The following DTL variants were observed in gnomAD, a reference collection of about 807,000 sequenced individuals.
DTL encodes the protein denticleless E3 ubiquitin protein ligase adapter, also known as denticleless protein homolog.
A neutral mutation model predicts 87.0 loss-of-function variants in DTL; 46 were observed. The observed-to-expected ratio is 0.53, with a 90% CI of 0.42 to 0.68. The LOEUF is 0.68. Ranked by LOEUF, DTL falls within the 30% of genes least tolerant of loss-of-function variation. The pLI, the probability that DTL is intolerant of heterozygous loss-of-function variation, is 0.00. For synonymous variants in DTL, 308 were observed against 311.2 expected (o/e 0.99, Z 0.11); for missense variants, 737 against 869.4 (o/e 0.85, Z 1.91).
At chr1:212,091,733 G>C (rs776197920) in intron 13 of DTL, among the ~76,000 whole-genome samples, 1 of 152,288 alleles carries the variant, frequency 6.6e-6, no homozygotes, top group South Asian at 2.1e-4. Flanking sequence ...ATCTTAAAAA[G>C]TTGAACTCAT....
In DTL at chr1:212,056,939, T is replaced by C. The variant is rs568340335; in HGVS notation, c.461-5945T>C. On this transcript the variant is annotated intron_variant, in intron 5 of 14. Coordinates refer to ENST00000366991, the MANE Select transcript of DTL (RefSeq NM_016448.4). ...TTGAAGATCTTTTAAAATAACCTAC[T>C]CAGACAAAAATAGAGAAAAAATAAT... is the stretch of plus-strand genomic sequence containing the variant. 3.6e-3 allele frequency among the ~76,000 whole-genome samples: 544 copies of C among 151,994 alleles called. 3 individuals carry two copies. The highest frequency in any genetic ancestry group is 0.014 in the Middle Eastern group (4 of 294).
At chr1:212,093,030 G>A (rs997907907) in intron 13 of DTL, among the ~76,000 whole-genome samples, 4 of 152,098 alleles carry the variant, frequency 2.6e-5, no homozygotes. Context: ...TGATGGCCCT[G>A]TGTATATCTT....
chr1:212,065,027 G>A lies in DTL; in HGVS notation c.637G>A (p.Val213Met). 1.2e-6 allele frequency: 2 copies of A among 1,609,986 alleles called. No individual in the cohort carries two copies. Among genetic ancestry groups the A allele is most frequent in the Non-Finnish European group, 1.7e-6 (2 of 1,176,322 alleles). The change falls in exon 7 of 15, where the codon GTG (valine) becomes ATG (methionine). Residue 213 changes from valine to methionine, a missense_variant and splice_region_variant. Physicochemically the swap from Val to Met is conservative, Grantham distance 21. Coordinates refer to ENST00000366991, the MANE Select transcript of DTL (RefSeq NM_016448.4). ...GAATTCAAAAGGACTTGCTCCTTCT[G>A]TGGTAAGGTTTTACAGATGTATACA... is the stretch of plus-strand genomic sequence containing the variant. ...KQNSKGLAPS[V>M]DFQQSVTVVL...
chr1:212,065,117 T>C, intron 7 of DTL, 88 bp downstream of exon 7: 1 of 924,062 alleles, frequency 1.1e-6, no homozygotes, highest in South Asian at 1.5e-5. Flanking sequence ...AATGAGAATC[T>C]TCATGATTCT....
At chr1:212,093,159 A>G (rs1655336663) in intron 13 of DTL, among the ~76,000 whole-genome samples, 1 of 151,842 alleles carries the variant, frequency 6.6e-6, no homozygotes, top group Non-Finnish European at 1.5e-5. Flanking sequence ...AGGGCGTGCG[A>G]TGAGGGTGTG....
intron 5 of DTL, among the ~76,000 whole-genome samples, chr1:212,059,854 C>CA (rs1000077903): frequency 3.2e-5 from 4 of 124,918 alleles, no homozygotes; most frequent in South Asian, 2.6e-4. Context: ...AATCAACATA[C>CA]AAAAAAAATA....
chr1:212,038,436 TTTAGAGAGTGGCCTCA>T (rs1667549354), intron 1 of DTL, among the ~76,000 whole-genome samples: 2 of 152,306 alleles, frequency 1.3e-5, no homozygotes, highest in South Asian at 4.1e-4. Flanking sequence ...TATTACCAAT[TTTAGAGAGTGGCCTCA>T]TTATTTAAAC....
intron 5 of DTL, among the ~76,000 whole-genome samples, chr1:212,048,408 A>C (rs1667867648): frequency 6.6e-6 from 1 of 151,928 alleles, no homozygotes; most frequent in Non-Finnish European, 1.5e-5. Context: ...GGCGAGGCTG[A>C]TCTTGAACTC....
chr1:212,087,373 C>A (rs1655160119), intron 13 of DTL, among the ~76,000 whole-genome samples: 1 of 151,996 alleles, frequency 6.6e-6, no homozygotes, highest in Non-Finnish European at 1.5e-5. Flanking sequence ...ATGGTGAAAC[C>A]CCGTCTCTAC....
At chr1:212,059,394 G>A (rs113920135) in intron 5 of DTL, among the ~76,000 whole-genome samples, 3,991 of 151,330 alleles carry the variant, frequency 0.026, 59 homozygotes, top group African/African-American at 0.047. Flanking sequence ...TGATACATAC[G>A]TCATCAACAG....
rs748060446 is a variant in DTL at position 212,100,434 on chromosome 1, A to C, written c.1444A>C (p.Arg482=). 5.1e-5 allele frequency: 83 copies of C among 1,613,868 alleles called. No individual in the cohort carries two copies. The highest frequency in any genetic ancestry group is 6.9e-5 in the Non-Finnish European group (81 of 1,179,986). The change falls in exon 14 of 15, where the codon AGA becomes CGA. Residue 482 remains arginine, a synonymous_variant. Transcript: ENST00000366991. ...SPAKARSPIN[R]RGSVSSVSPK... is the part of the protein sequence containing the mutation. ...TGCCAAGGCCCGGTCTCCCATCAAC[A>C]GAAGAGGCTCTGTCTCCTCCGTCTC...
At chr1:212,059,588 G>A (rs528026691) in intron 5 of DTL, among the ~76,000 whole-genome samples, 4 of 152,152 alleles carry the variant, frequency 2.6e-5, no homozygotes, top group Non-Finnish European at 5.9e-5. Context: ...AAAGCTGGAA[G>A]CCTTTCCCTT....
intron 13 of DTL, among the ~76,000 whole-genome samples, chr1:212,088,375 AC>A (rs1045614137): frequency 6.6e-6 from 1 of 152,192 alleles, no homozygotes; most frequent in African/African-American, 2.4e-5. Context: ...ATTCCTTACT[AC>A]GCACTATAGG....
chr1:212,100,699 G>C lies in DTL; in HGVS notation c.1709G>C (p.Ser570Thr). ...AGTGTGAAACAAAAGTGTGTGAAGA[G>C]TTGTAACTGTGTGACTGAGCTTGAT... ...LESVKQKCVK[S>T]CNCVTELDGQ... The change falls in exon 14 of 15, where the codon AGT (serine) becomes ACT (threonine). Residue 570 changes from serine to threonine, a missense_variant. Physicochemically the swap from Ser to Thr is moderately conservative, Grantham distance 58. Coordinates refer to ENST00000366991, the MANE Select transcript of DTL (RefSeq NM_016448.4). The C allele has an allele frequency of 6.2e-7, 1 of 1,614,164 alleles. No individual in the cohort carries two copies.
At chr1:212,074,978 C>A (rs1654787891) in intron 11 of DTL, among the ~76,000 whole-genome samples, 1 of 151,974 alleles carries the variant, frequency 6.6e-6, no homozygotes, top group Non-Finnish European at 1.5e-5. Flanking sequence ...ATTGTCTCAC[C>A]CCCACCCCAT....
Position 212,100,415 on chromosome 1 carries a change from G to A in DTL, c.1425G>A (p.Lys475=), listed in dbSNP as rs750609917. 2 of 1,613,712 alleles carry A rather than the reference G, an allele frequency of 1.2e-6. No individual in the cohort carries two copies. The highest frequency in any genetic ancestry group is 3.3e-5 in the Admixed American group (2 of 59,968). The change falls in exon 14 of 15, where the codon AAG becomes AAA. Residue 475 remains lysine (K), a synonymous_variant. Coordinates refer to ENST00000366991, the MANE Select transcript of DTL (RefSeq NM_016448.4). The stretch of plus-strand genomic sequence containing the variant: ...TCTCTATTAAAACCTCTCCTGCCAA[G>A]GCCCGGTCTCCCATCAACAGAAGAG... ...PTFSIKTSPA[K]ARSPINRRGS... is the part of the protein sequence containing the mutation.
chr1:212,043,473 A>G (rs1302149274), intron 2 of DTL, among the ~76,000 whole-genome samples: 1 of 152,184 alleles, frequency 6.6e-6, no homozygotes, highest in African/African-American at 2.4e-5. Flanking sequence ...GGAATATATG[A>G]ACAGAAATAG....
intron 11 of DTL, among the ~76,000 whole-genome samples, chr1:212,075,450 A>C (rs2102561247): frequency 6.6e-6 from 1 of 152,306 alleles, no homozygotes; most frequent in South Asian, 2.1e-4. Flanking sequence ...AAGGGAAAGG[A>C]AGCTTTAAAA....
Position 212,101,003 on chromosome 1 carries a change from G to T in DTL, c.2013G>T (p.Lys671Asn). Residue 671 changes from lysine (K) to asparagine (N), a missense_variant, in exon 14 of 15, where the codon AAG (lysine) becomes AAT (asparagine). Physicochemically the swap from Lys to Asn is moderately conservative, Grantham distance 94 (BLOSUM62 0). Coordinates refer to ENST00000366991, the MANE Select transcript of DTL (RefSeq NM_016448.4). ...TGTTGGCCATGGCAGCCAAACGGAA[G>T]GCTGAGAATCCATCTCCACGAAGTC... ...NWLLAMAAKR[K>N]AENPSPRSPS... 1 of 1,614,138 alleles carries T rather than the reference G, an allele frequency of 6.2e-7. No individual in the cohort carries two copies. Among genetic ancestry groups the T allele is most frequent in the Non-Finnish European group, 8.5e-7 (1 of 1,180,004 alleles).
Sources: gnomAD v4.1 joint callset for allele counts (sites outside exome capture counted in the v4.1 genomes callset) on GRCh38, gnomAD v4.1.1 for gene constraint, MANE v1.5 for transcripts, NCBI Gene and HGNC (gene_info 2026-07-23, HGNC 2026-07-21) for gene names.